USH2A: variants seen among roughly 807,000 people sequenced by gnomAD.
USH2A encodes Usher syndrome 2A (autosomal recessive, mild).
A neutral mutation model predicts 538.9 loss-of-function variants in USH2A; 443 were observed. That is an observed-to-expected ratio of 0.82 (90% CI 0.76 to 0.89). USH2A has a LOEUF of 0.89. Ranked by LOEUF, USH2A falls within the 40% of genes least tolerant of loss-of-function variation. USH2A has a pLI of 0.00. For missense variants in USH2A, 6,633 were observed against 6,324.8 expected, an observed-to-expected ratio of 1.05 and a Z score of -1.65; for synonymous variants, 2,413 against 2,273.5, an observed-to-expected ratio of 1.06 and a Z score of -1.75.
chr1:216,099,759 G>A (rs2032532365), intron 21 of USH2A, among the ~76,000 whole-genome samples: 1 of 152,122 alleles, frequency 6.6e-6, no homozygotes, highest in Non-Finnish European at 1.5e-5. Flanking sequence ...TGAGGAAAAT[G>A]GGGCATTAAT....
intron 4 of USH2A, among the ~76,000 whole-genome samples, chr1:216,362,004 C>T (rs11801197): frequency 0.011 from 1,657 of 152,196 alleles, 33 homozygotes; most frequent in African/African-American, 0.035. Flanking sequence ...TTAGGGGACT[C>T]TGAGATTCTG....
chr1:215,939,833 T>C (rs1666593767), intron 37 of USH2A, among the ~76,000 whole-genome samples: 1 of 152,114 alleles, frequency 6.6e-6, no homozygotes. Context: ...TGGCTGGCCA[T>C]TTCAGTTCTC....
chr1:216,036,984 G>A (rs2030015343), intron 32 of USH2A, among the ~76,000 whole-genome samples: 2 of 152,084 alleles, frequency 1.3e-5, no homozygotes, highest in East Asian at 3.8e-4. Flanking sequence ...CTCAACATAA[G>A]CTCAATCAAG....
intron 48 of USH2A, among the ~76,000 whole-genome samples, chr1:215,816,273 G>A (rs1662856229): frequency 6.6e-6 from 1 of 152,064 alleles, no homozygotes. Context: ...AAAATGCACA[G>A]TTAGTAACTG....
Position 216,083,449 on chromosome 1 carries a change from C to T in USH2A, c.5298+7G>A, listed in dbSNP as rs2102559630. 6.2e-7 allele frequency: 1 copy of T among 1,609,914 alleles called. No homozygotes were observed. The highest frequency in any genetic ancestry group is 8.5e-7 in the Non-Finnish European group (1 of 1,178,314). ...TAAAGTAATTTTAATCAAATTAATT[C>T]ACATACAGCAAGAAAATCAGGTCCA... On this transcript the variant is annotated splice_region_variant and intron_variant, in intron 26 of 71. Coordinates refer to ENST00000307340, the MANE Select transcript of USH2A (RefSeq NM_206933.4).
At position 215,759,688 on chromosome 1, in the gene USH2A, T is replaced by A. The variant is rs1314121764; in HGVS notation, c.11203A>T (p.Thr3735Ser). The change falls in exon 57 of 72, where the codon ACT becomes TCT. Residue 3735 changes from threonine (T) to serine (S), a missense_variant. Transcript: ENST00000307340. ...CTATTGGGCTCCAGGTTTTTATCAG[T>A]GAAATTCTGCTCCTCACTGCCACCC... The part of the protein sequence containing the change: ...FLGGSEEQNF[T>S]DKNLEPNSRY... 6 of 1,613,904 alleles carry A rather than the reference T, an allele frequency of 3.7e-6. No homozygotes were observed. In the Admixed American group the frequency reaches 8.3e-5, roughly 22 times the overall value.
chr1:216,078,035 A>C lies in USH2A; in HGVS notation c.5572+54T>G. 1.9e-6 allele frequency: 3 copies of C among 1,611,248 alleles called. No homozygotes were observed. In the South Asian group the frequency reaches 3.3e-5, roughly 18 times the overall value. ...TCTCTTGAAACACAGAACCACCAAA[A>C]ACTGTTAGCACCAGGGCTGTATGGA... On this transcript the variant is annotated intron_variant, in intron 27 of 71. Transcript: ENST00000307340.
chr1:216,212,679 G>GTT (rs1316455047), intron 15 of USH2A, among the ~76,000 whole-genome samples: 29 of 39,978 alleles, frequency 7.3e-4, no homozygotes, highest in African/African-American at 3.5e-3. Context: ...AGGTGTGTGT[G>GTT]TGTTTGTGTG....
intron 32 of USH2A, among the ~76,000 whole-genome samples, chr1:216,027,269 C>T (rs960460626): frequency 3.3e-5 from 5 of 152,022 alleles, no homozygotes; most frequent in African/African-American, 7.2e-5. Flanking sequence ...CCAGGGTGTG[C>T]GTGTACAAAG....
chr1:216,035,180 G>A (rs924132714), intron 32 of USH2A, among the ~76,000 whole-genome samples: 13 of 152,126 alleles, frequency 8.5e-5, no homozygotes, highest in African/African-American at 2.9e-4. Flanking sequence ...GTTACACGTT[G>A]AATTGTGTTC....
intron 37 of USH2A, among the ~76,000 whole-genome samples, chr1:215,957,030 C>T (rs1260075390): frequency 6.6e-6 from 1 of 151,952 alleles, no homozygotes; most frequent in East Asian, 1.9e-4. Context: ...AGAAAAAATG[C>T]CTTTTGATTT....
At chr1:216,333,517 G>C (rs752540051) in intron 4 of USH2A, among the ~76,000 whole-genome samples, 14 of 152,048 alleles carry the variant, frequency 9.2e-5, no homozygotes, top group Non-Finnish European at 1.3e-4. Context: ...TTTCAGAGAA[G>C]AGGTAAAAGG....
At chr1:215,979,302 T>G (rs1490443489) in intron 35 of USH2A, among the ~76,000 whole-genome samples, 1 of 152,082 alleles carries the variant, frequency 6.6e-6, no homozygotes, top group Non-Finnish European at 1.5e-5. Flanking sequence ...AAGGTGAGAT[T>G]TGGGTGGGGA....
At chr1:216,211,241 C>G (rs2035234658) in intron 15 of USH2A, among the ~76,000 whole-genome samples, 1 of 152,116 alleles carries the variant, frequency 6.6e-6, no homozygotes, top group South Asian at 2.1e-4. Context: ...AGGAGGGAGT[C>G]ATAGGAGCCC....
chr1:216,341,302 C>T (rs1183819836), intron 4 of USH2A, among the ~76,000 whole-genome samples: 1 of 151,998 alleles, frequency 6.6e-6, no homozygotes, highest in East Asian at 1.9e-4. Context: ...CGTGAAGGAG[C>T]TCCTCAAGGA....
intron 30 of USH2A, among the ~76,000 whole-genome samples, chr1:216,069,871 T>A (rs1206260760): frequency 6.6e-6 from 1 of 152,172 alleles, no homozygotes; most frequent in African/African-American, 2.4e-5. Context: ...GGAGAGAATA[T>A]CTACCTTAGA....
chr1:216,341,712 C>A (rs535808975), intron 4 of USH2A, among the ~76,000 whole-genome samples: 2 of 152,198 alleles, frequency 1.3e-5, no homozygotes, highest in South Asian at 2.1e-4. Context: ...ACCATCTGAT[C>A]TTTGACAAGC....
chr1:216,181,978 C>T (rs2102647378), intron 20 of USH2A, among the ~76,000 whole-genome samples: 1 of 152,180 alleles, frequency 6.6e-6, no homozygotes, highest in Non-Finnish European at 1.5e-5. Context: ...GATCTAACAT[C>T]AGTATGGAAA....
At chr1:216,414,746 A>G (rs1482459044) in intron 3 of USH2A, among the ~76,000 whole-genome samples, 2 of 152,072 alleles carry the variant, frequency 1.3e-5, no homozygotes, top group East Asian at 3.9e-4. Flanking sequence ...AAACACACAC[A>G]CTATATAAAT....
Sources: allele counts gnomAD v4.1 joint callset (sites outside exome capture counted in the v4.1 genomes callset), GRCh38; gene constraint gnomAD v4.1.1; transcripts MANE v1.5; gene names NCBI Gene and HGNC (gene_info 2026-07-23, HGNC 2026-07-21).